CRYBG1: variants seen among roughly 807,000 people sequenced by gnomAD.
The protein encoded by CRYBG1 is beta/gamma crystallin domain-containing protein 1.
Under a neutral mutation model 189.2 loss-of-function variants are expected in CRYBG1, and 139 were observed. That is an observed-to-expected ratio of 0.73 (90% CI 0.64 to 0.85). CRYBG1 has a LOEUF of 0.85. Among genes scored for constraint, CRYBG1 ranks in the 40% least tolerant of loss-of-function variants. The probability of loss-of-function intolerance (pLI) is 0.00; values close to 1 mark genes in which losing one functional copy is unlikely to be tolerated. For missense variants in CRYBG1, 2,611 were observed against 2,675.8 expected (o/e 0.98, Z 0.53); for synonymous variants, 1,023 against 1,017.1 (o/e 1.01, Z -0.11).
At chr6:106,505,520 T>C (rs1336854096) in intron 2 of CRYBG1, among the ~76,000 whole-genome samples, 1 of 152,160 alleles carries the variant, frequency 6.6e-6, no homozygotes, top group East Asian at 1.9e-4. Flanking sequence ...TGAACCACCA[T>C]GCCTGGCCTT....
At position 106,541,854 on chromosome 6, in the gene CRYBG1, C is replaced by T. The variant is rs142989020; in HGVS notation, c.4881+233C>T. ...ATGGCACTGGTTATCACTAAGAGTA[C>T]ATTTAGCCATGGCTCAGAAGGGTCA... On this transcript the variant is annotated intron_variant, in intron 10 of 21. Coordinates refer to ENST00000633556, the MANE Select transcript of CRYBG1 (RefSeq NM_001371242.2). Among the ~76,000 whole-genome samples the T allele has an allele frequency of 1.1e-3, 168 of 152,254 alleles. 2 individuals are homozygous for T. The highest frequency in any genetic ancestry group is 3.9e-3 in the African/African-American group (162 of 41,552).
chr6:106,420,846 A>G (rs1771109735), intron 1 of CRYBG1: 1 of 152,396 alleles, frequency 6.6e-6, no homozygotes, highest in African/African-American at 2.4e-5. Flanking sequence ...GTTTTTTGGT[A>G]AAGTTACATT....
chr6:106,417,457 C>T (rs189743167), intron 1 of CRYBG1, among the ~76,000 whole-genome samples: 5 of 152,202 alleles, frequency 3.3e-5, no homozygotes, highest in African/African-American at 7.2e-5. Context: ...CCAAAAAGAA[C>T]GAAACGTGGA....
At chr6:106,445,431 A>G (rs1421733419) in intron 1 of CRYBG1, among the ~76,000 whole-genome samples, 1 of 152,190 alleles carries the variant, frequency 6.6e-6, no homozygotes, top group Non-Finnish European at 1.5e-5. Flanking sequence ...TTGGGTCACT[A>G]GATTATCTCT....
At chr6:106,481,830 G>T (rs924401767) in intron 2 of CRYBG1, among the ~76,000 whole-genome samples, 4 of 151,714 alleles carry the variant, frequency 2.6e-5, no homozygotes, top group Non-Finnish European at 5.9e-5. Flanking sequence ...CCTGGGAGCT[G>T]CTCTCTCCCT....
Position 106,552,234 on chromosome 6 carries a change from C to T in CRYBG1, c.5472+18C>T. ...GAAATCAGGTAACTTTAAAAATATT[C>T]TTTTATATTAATATATAAAGGGCCT... On this transcript the variant is annotated intron_variant, in intron 15 of 21. Transcript: ENST00000633556. The T allele has an allele frequency of 6.8e-7, 1 of 1,471,170 alleles. No homozygotes were observed. The highest frequency in any genetic ancestry group is 1.3e-5 in the South Asian group (1 of 78,210). The allele number at this position is 1,471,170 out of a possible 1,614,324, so 91.1% of individuals were successfully genotyped here.
rs1394897926 is a variant in CRYBG1, at chr6:106,544,605, C to T, written c.5074C>T (p.His1692Tyr). 6.2e-7 allele frequency: 1 copy of T among 1,613,728 alleles called. No homozygotes were observed. The highest frequency in any genetic ancestry group is 8.5e-7 in the Non-Finnish European group (1 of 1,179,876). ...VAYEKPGFTG[H>Y]QYLLEEGEYR... is the part of the protein sequence containing the mutation. The stretch of plus-strand genomic sequence containing the variant: ...ATATGAGAAACCTGGATTTACCGGT[C>T]ATCAGTATTTGCTAGAAGAAGGAGA... The change falls in exon 12 of 22, where the codon CAT (histidine) becomes TAT (tyrosine). Residue 1692 changes from histidine to tyrosine, a missense_variant. Physicochemically the swap from His to Tyr is moderately conservative, Grantham distance 83. Around this residue, in one of 3 missense-constraint regions of CRYBG1, gnomAD observed 1,622 missense variants for 1,735.0 expected, o/e 0.93. Transcript: ENST00000633556.
Position 106,512,981 on chromosome 6 carries a change from T to C in CRYBG1, c.1864T>C (p.Leu622=). ...GAPGASDADG[L]KPRNHFGVGR... ...GCCTGGAGCTTCTGACGCCGACGGC[T>C]TGAAGCCCAGGAACCATTTCGGCGT... The change falls in exon 3 of 22, where the codon TTG becomes CTG. Residue 622 remains leucine (L), a synonymous_variant. Coordinates refer to ENST00000633556, the MANE Select transcript of CRYBG1 (RefSeq NM_001371242.2). 6.2e-7 allele frequency: 1 copy of C among 1,610,910 alleles called. No individual in the cohort carries two copies. Among genetic ancestry groups the C allele is most frequent in the Non-Finnish European group, 8.5e-7 (1 of 1,179,638 alleles).
chr6:106,538,912 T>G (rs904228085), intron 8 of CRYBG1, among the ~76,000 whole-genome samples: 4 of 149,766 alleles, frequency 2.7e-5, no homozygotes, highest in Non-Finnish European at 4.4e-5. Flanking sequence ...AAAAATTGAT[T>G]AGGAACCTGG....
chr6:106,400,287 G>A (rs1172511488), intron 1 of CRYBG1, among the ~76,000 whole-genome samples: 1 of 152,018 alleles, frequency 6.6e-6, no homozygotes, highest in East Asian at 1.9e-4. Context: ...ACCCAGATCT[G>A]CCCTTTAAGA....
At chr6:106,382,582 C>T (rs940530378) in intron 1 of CRYBG1, among the ~76,000 whole-genome samples, 1 of 152,056 alleles carries the variant, frequency 6.6e-6, no homozygotes, top group African/African-American at 2.4e-5. Context: ...CCTGTAATAC[C>T]AGCACTTTGG....
At chr6:106,495,774 T>C (rs1465014151) in intron 2 of CRYBG1, among the ~76,000 whole-genome samples, 2 of 151,114 alleles carry the variant, frequency 1.3e-5, no homozygotes, top group African/African-American at 2.4e-5. Context: ...AGACCCATTG[T>C]TGAGTGTACT....
intron 21 of CRYBG1, among the ~76,000 whole-genome samples, chr6:106,566,462 GTC>G (rs1774889993): frequency 1.1e-5 from 1 of 90,974 alleles, no homozygotes; most frequent in Non-Finnish European, 2.1e-5. Context: ...AGCAACAACA[GTC>G]TTTTTTTTTT....
intron 1 of CRYBG1, among the ~76,000 whole-genome samples, chr6:106,366,812 C>G (rs1092759): frequency 0.67 from 101,454 of 152,122 alleles, 34,025 homozygotes; most frequent in African/African-American, 0.74. Context: ...AGGGGCAATA[C>G]TGGCAGTGAT....
intron 1 of CRYBG1, among the ~76,000 whole-genome samples, chr6:106,431,451 G>A (rs575849117): frequency 4.6e-5 from 7 of 151,922 alleles, no homozygotes; most frequent in South Asian, 2.1e-4. Flanking sequence ...AGCATCACGC[G>A]ATATACCTTT....
intron 1 of CRYBG1, among the ~76,000 whole-genome samples, chr6:106,444,312 T>C (rs73761804): frequency 1.8e-3 from 270 of 152,290 alleles, no homozygotes; most frequent in African/African-American, 6.3e-3. Context: ...TTGACTCTTA[T>C]AAAGAGAAGC....
Position 106,512,566 on chromosome 6 carries a change from C to T in CRYBG1, c.1449C>T (p.Ser483=), listed in dbSNP as rs1223996891. Reference sequence around the variant, plus strand: ...ACGGGGGCGTTGCCTCCGCTGCGAGCCCAGAGTCCAAGCCCAGCCCCGGTA... The same window carrying T: ...ACGGGGGCGTTGCCTCCGCTGCGAGTCCAGAGTCCAAGCCCAGCCCCGGTA... The part of the protein sequence containing the change: ...ALDGGVASAA[S]PESKPSPGTK... Residue 483 remains serine, a synonymous_variant, in exon 3 of 22, where the codon AGC becomes AGT. Transcript: ENST00000633556. 2 of 1,606,912 alleles carry T rather than the reference C, an allele frequency of 1.2e-6. No homozygotes were observed. Among genetic ancestry groups the T allele is most frequent in the Non-Finnish European group, 8.5e-7 (1 of 1,177,206 alleles).
At chr6:106,385,353 A>C (rs886675749) in intron 1 of CRYBG1, among the ~76,000 whole-genome samples, 2 of 152,210 alleles carry the variant, frequency 1.3e-5, no homozygotes, top group Non-Finnish European at 2.9e-5. Flanking sequence ...TTCAGGTGAC[A>C]GTTTTTGGCT....
At chr6:106,482,515 C>T (rs1772486998) in intron 2 of CRYBG1, among the ~76,000 whole-genome samples, 2 of 152,110 alleles carry the variant, frequency 1.3e-5, no homozygotes, top group South Asian at 2.1e-4. Context: ...GTGGCTCACG[C>T]CTATAATCCC....
Sources: gnomAD v4.1 joint callset for allele counts (sites outside exome capture counted in the v4.1 genomes callset) on GRCh38, gnomAD v4.1.1 for gene constraint, gnomAD v4.1.1 regional missense constraint, MANE v1.5 for transcripts, NCBI Gene and HGNC (gene_info 2026-07-23, HGNC 2026-07-21) for gene names.